ILRUN: variants seen among roughly 807,000 people sequenced by gnomAD.
ILRUN encodes the protein inflammation and lipid regulator with UBA-like and NBR1-like domains.
ILRUN carries 3 observed loss-of-function variants against 33.8 expected under a neutral mutation model. That is an observed-to-expected ratio of 0.09 (90% confidence interval 0.04 to 0.23). The LOEUF is 0.23. ILRUN is among the 10% of genes least tolerant of loss of function. The pLI is 1.00. For synonymous variants in ILRUN, 124 were observed against 138.9 expected (o/e 0.89, Z 0.75); for missense variants, 210 against 375.1 (o/e 0.56, Z 3.64).
chr6:34,661,132 T>C (rs556435064), intron 1 of ILRUN, among the ~76,000 whole-genome samples: 1 of 152,264 alleles, frequency 6.6e-6, no homozygotes, highest in East Asian at 1.9e-4. Context: ...TATACCATTT[T>C]CCAAGTAGAA....
Position 34,688,822 on chromosome 6 carries a change from A to C in ILRUN, c.158+7624T>G, listed in dbSNP as rs551964510. Among the ~76,000 whole-genome samples the C allele has an allele frequency of 1.5e-3, 233 of 152,142 alleles. 3 individuals carry two copies. The highest frequency in any genetic ancestry group is 7.4e-5 in the Non-Finnish European group (5 of 67,980). ...CAACAACAACAAGATGCAGACACAA[A>C]AGGACAAATTCTATTTACATGACGT... is the stretch of plus-strand genomic sequence containing the variant. On this transcript the variant is annotated intron_variant, in intron 1 of 4. Transcript: ENST00000374023.
At chr6:34,652,116 C>CACAGCAGG (rs1167614594) in intron 2 of ILRUN, among the ~76,000 whole-genome samples, 3 of 152,022 alleles carry the variant, frequency 2.0e-5, no homozygotes, top group Non-Finnish European at 4.4e-5. Flanking sequence ...TGATCAGTAA[C>CACAGCAGG]ACAGCAGGTT....
At chr6:34,672,109 C>CTT (rs947552266) in intron 1 of ILRUN, among the ~76,000 whole-genome samples, 2 of 146,780 alleles carry the variant, frequency 1.4e-5, no homozygotes, top group African/African-American at 2.5e-5. Context: ...CTTCCACCCC[C>CTT]TTTTTTTTTT....
intron 1 of ILRUN, among the ~76,000 whole-genome samples, chr6:34,691,571 G>T (rs970595642): frequency 7.2e-5 from 11 of 152,174 alleles, no homozygotes; most frequent in African/African-American, 2.7e-4. Flanking sequence ...AAGGTGGGTG[G>T]ATCATTTGAG....
chr6:34,603,434 A>C (rs1413818595), intron 4 of ILRUN, among the ~76,000 whole-genome samples: 1 of 152,212 alleles, frequency 6.6e-6, no homozygotes, highest in Admixed American at 6.5e-5. Flanking sequence ...GGAGATCGAG[A>C]CCATCCCGGC....
At chr6:34,671,345 C>T (rs751145782) in intron 1 of ILRUN, among the ~76,000 whole-genome samples, 38 of 152,122 alleles carry the variant, frequency 2.5e-4, no homozygotes, top group African/African-American at 8.2e-4. Flanking sequence ...ATGATCGCGC[C>T]GCTGCGCTCA....
At chr6:34,633,002 A>T (rs189748355) in intron 3 of ILRUN, among the ~76,000 whole-genome samples, 1 of 152,290 alleles carries the variant, frequency 6.6e-6, no homozygotes, top group African/African-American at 2.4e-5. Context: ...GAAAACACAG[A>T]TTGTTAGAAT....
intron 1 of ILRUN, among the ~76,000 whole-genome samples, chr6:34,670,715 G>A (rs887965627): frequency 6.6e-6 from 1 of 151,702 alleles, no homozygotes; most frequent in African/African-American, 2.4e-5. Context: ...ACTTAGCCAG[G>A]TGTGGTGGCA....
chr6:34,601,124 G>C (rs545663290), intron 4 of ILRUN, among the ~76,000 whole-genome samples: 5 of 152,146 alleles, frequency 3.3e-5, no homozygotes, highest in African/African-American at 1.2e-4. Flanking sequence ...GGGAAGCAGG[G>C]AGGTGACTGG....
rs1451602188 is a variant in ILRUN, at chr6:34,683,453, C to CATAT, written c.158+12989_158+12992dup. On this transcript the variant is annotated intron_variant, in intron 1 of 4. Coordinates refer to ENST00000374023, the MANE Select transcript of ILRUN (RefSeq NM_024294.4). ...ACATATATATATACATATATATATA[C>CATAT]ATATATATACATATATATACACATA... 7.2e-5 allele frequency among the ~76,000 whole-genome samples: 7 copies of CATAT among 96,604 alleles called. No homozygotes were observed. The Admixed American group carries it at 7.5e-4, about 10-fold the overall frequency. The allele number at this position is 96,604 out of a possible 152,430, so 63.4% of individuals were successfully genotyped here.
At position 34,637,864 on chromosome 6, in the gene ILRUN, C is replaced by CTGCTGCTGCTGCTGT. The variant is rs749114775; in HGVS notation, c.511+8736_511+8737insACAGCAGCAGCAGCA. Among the ~76,000 whole-genome samples, 240 of 142,016 alleles carry CTGCTGCTGCTGCTGT rather than the reference C, an allele frequency of 1.7e-3. 2 individuals are homozygous for CTGCTGCTGCTGCTGT. The highest frequency in any genetic ancestry group is 6.2e-3 in the African/African-American group (230 of 36,890). The allele number at this position is 142,016 out of a possible 152,430, so 93.2% of individuals were successfully genotyped here. ...GTTGTTGCTGCTGCTGCTGCTGCTGCTGTTGTTGTTGTTGTTGTTGTTGTT... is the reference window on the plus strand; with the variant it reads ...GTTGTTGCTGCTGCTGCTGCTGCTGCTGCTGCTGCTGCTGTTGTTGTTGTTGTTGTTGTTGTTGTT... On this transcript the variant is annotated intron_variant, in intron 3 of 4. Coordinates refer to ENST00000374023, the MANE Select transcript of ILRUN (RefSeq NM_024294.4).
chr6:34,688,313 A>T (rs1461928805), intron 1 of ILRUN, among the ~76,000 whole-genome samples: 4 of 150,882 alleles, frequency 2.7e-5, no homozygotes, highest in Non-Finnish European at 5.9e-5. Flanking sequence ...CTGAGGTGGG[A>T]GGATGGATTG....
chr6:34,673,542 T>C (rs1290073813), intron 1 of ILRUN, among the ~76,000 whole-genome samples: 4 of 152,136 alleles, frequency 2.6e-5, no homozygotes, highest in Admixed American at 2.0e-4. Context: ...ATGGCTCAAG[T>C]GTTGATAAAC....
chr6:34,690,473 A>T (rs1763622704), intron 1 of ILRUN, among the ~76,000 whole-genome samples: 1 of 151,982 alleles, frequency 6.6e-6, no homozygotes, highest in Admixed American at 6.6e-5. Flanking sequence ...AAAAAAATTA[A>T]AAATAAATAA....
At chr6:34,691,218 G>A (rs1446807249) in intron 1 of ILRUN, among the ~76,000 whole-genome samples, 4 of 152,022 alleles carry the variant, frequency 2.6e-5, no homozygotes, top group African/African-American at 7.3e-5. Context: ...GTCAGTTTCC[G>A]GTTTTACAAT....
rs923301496 is a variant in ILRUN, at chr6:34,646,169, C to T, written c.511+432G>A. On this transcript the variant is annotated intron_variant, in intron 3 of 4. Transcript: ENST00000374023. The surrounding 1 kb of genome is among the most constrained non-coding windows in gnomAD (Gnocchi z 4.9). The stretch of plus-strand genomic sequence containing the variant: ...AGTGAGTATAGATCACTGCTCAAAA[C>T]GTTTGGCAATAAAGAGAAGGGAGTG... Among the ~76,000 whole-genome samples the T allele has an allele frequency of 1.3e-5, 2 of 152,038 alleles. No individual in the cohort carries two copies. The highest frequency in any genetic ancestry group is 6.5e-5 in the Admixed American group (1 of 15,274).
Position 34,588,199 on chromosome 6 carries a change from AG to A in ILRUN, c.*2365del. 2.5e-6 allele frequency: 1 copy of A among 398,776 alleles called. No individual in the cohort carries two copies. Among genetic ancestry groups the A allele is most frequent in the Non-Finnish European group, 4.4e-6 (1 of 226,146 alleles). 24.7% of individuals were successfully genotyped at this position (398,776 alleles called of 1,614,324 possible). The stretch of plus-strand genomic sequence containing the variant: ...CTGCAAGGAGCTCATCTCGCCTCCA[AG>A]GATGTGCACAGAAATGGTTTGTTCT... On this transcript the variant is annotated 3_prime_UTR_variant, in exon 5 of 5. Coordinates refer to ENST00000374023, the MANE Select transcript of ILRUN (RefSeq NM_024294.4).
intron 3 of ILRUN, among the ~76,000 whole-genome samples, chr6:34,638,719 A>C (rs561898399): frequency 6.6e-6 from 1 of 152,256 alleles, no homozygotes; most frequent in East Asian, 1.9e-4. Context: ...AAGAAAAAAA[A>C]AACAAAAATG....
chr6:34,659,029 A>G (rs1762836147), intron 1 of ILRUN, among the ~76,000 whole-genome samples: 1 of 152,176 alleles, frequency 6.6e-6, no homozygotes, highest in Non-Finnish European at 1.5e-5. Flanking sequence ...ACGAGCATTT[A>G]CCCTTGTGCC....
Sources: gnomAD v4.1 joint callset for allele counts (sites outside exome capture counted in the v4.1 genomes callset) on GRCh38, gnomAD v4.1.1 for gene constraint, Gnocchi (gnomAD v3.1) non-coding constraint, MANE v1.5 for transcripts, NCBI Gene and HGNC (gene_info 2026-07-23, HGNC 2026-07-21) for gene names.